L3MBTL3: variants seen among roughly 807,000 people sequenced by gnomAD.
L3MBTL3 encodes L3MBTL histone methyl-lysine binding protein 3.
Under a neutral mutation model 102.3 loss-of-function variants are expected in L3MBTL3, and 27 were observed. The observed-to-expected ratio is 0.26, with a 90% CI of 0.19 to 0.36. The LOEUF (loss-of-function observed/expected upper bound fraction) is 0.36. Among genes scored for constraint, L3MBTL3 ranks in the 10% least tolerant of loss-of-function variants. L3MBTL3 has a pLI of 1.00. For synonymous variants in L3MBTL3, 340 were observed against 320.9 expected (o/e 1.06, Z -0.64); for missense variants, 798 against 955.3 (o/e 0.84, Z 2.17).
At chr6:130,044,400 TAAA>T (rs1233481603) in intron 3 of L3MBTL3, among the ~76,000 whole-genome samples, 2 of 152,074 alleles carry the variant, frequency 1.3e-5, no homozygotes, top group Non-Finnish European at 2.9e-5. Flanking sequence ...TGGCTTTTTT[TAAA>T]AAAAACTGTC....
At chr6:130,019,122 C>G (rs1778751165) in intron 1 of L3MBTL3, among the ~76,000 whole-genome samples, 1 of 151,866 alleles carries the variant, frequency 6.6e-6, no homozygotes, top group Non-Finnish European at 1.5e-5. Context: ...GGCTGGCGCG[C>G]AGGCGGCGGG....
chr6:130,136,345 C>T (rs765235622), intron 22 of L3MBTL3, among the ~76,000 whole-genome samples: 1 of 152,162 alleles, frequency 6.6e-6, no homozygotes, highest in South Asian at 2.1e-4. Flanking sequence ...ACCTCTCTTG[C>T]CCCCTGGCTT....
At chr6:130,058,643 C>A (rs1781685930) in intron 9 of L3MBTL3, among the ~76,000 whole-genome samples, 1 of 152,014 alleles carries the variant, frequency 6.6e-6, no homozygotes, top group Non-Finnish European at 1.5e-5. Flanking sequence ...GGTAAAGGGC[C>A]AGATAGTAAA....
At chr6:130,120,233 T>A (rs968738689) in intron 19 of L3MBTL3, among the ~76,000 whole-genome samples, 18 of 152,132 alleles carry the variant, frequency 1.2e-4, no homozygotes, top group African/African-American at 1.9e-4. Context: ...TTCCTTTTTT[T>A]AAAAAAACAA....
chr6:130,045,481 T>C (rs1395963788), intron 3 of L3MBTL3, among the ~76,000 whole-genome samples: 3 of 152,168 alleles, frequency 2.0e-5, no homozygotes, highest in Non-Finnish European at 4.4e-5. Context: ...TTACCCTTTT[T>C]AAGATAGTTT....
At chr6:130,059,319 T>C (rs1781741107) in intron 9 of L3MBTL3, among the ~76,000 whole-genome samples, 1 of 152,250 alleles carries the variant, frequency 6.6e-6, no homozygotes, top group African/African-American at 2.4e-5. Flanking sequence ...ACATATGTTG[T>C]GTACTTTTTG....
At chr6:130,136,384 C>T (rs750657466) in intron 22 of L3MBTL3, among the ~76,000 whole-genome samples, 3 of 152,136 alleles carry the variant, frequency 2.0e-5, no homozygotes, top group African/African-American at 7.2e-5. Flanking sequence ...CACGAGTCTA[C>T]GTGCTGGCCT....
intron 2 of L3MBTL3, among the ~76,000 whole-genome samples, chr6:130,035,816 G>A (rs1473611665): frequency 3.3e-5 from 5 of 152,184 alleles, no homozygotes; most frequent in Non-Finnish European, 5.9e-5. Flanking sequence ...GGAGGAAAAA[G>A]CCGAATCTTG....
chr6:130,049,638 A>G (rs1259373923), intron 4 of L3MBTL3, 118 bp from the exon 5 acceptor site: 1 of 1,141,668 alleles, frequency 8.8e-7, no homozygotes. Flanking sequence ...AATTAAGTAA[A>G]TCCATGTTGT....
chr6:130,109,610 T>A (rs893479849), intron 19 of L3MBTL3, among the ~76,000 whole-genome samples: 1 of 152,194 alleles, frequency 6.6e-6, no homozygotes, highest in African/African-American at 2.4e-5. Flanking sequence ...ATCTTAGACC[T>A]TTGTCAGATG....
intron 7 of L3MBTL3, among the ~76,000 whole-genome samples, chr6:130,054,041 G>T (rs1010992187): frequency 1.3e-5 from 2 of 152,170 alleles, no homozygotes; most frequent in Admixed American, 1.3e-4. Context: ...ACTACTTTAG[G>T]TTGGGTTGTC....
intron 9 of L3MBTL3, among the ~76,000 whole-genome samples, chr6:130,058,893 T>G (rs1031412482): frequency 6.6e-6 from 1 of 152,182 alleles, no homozygotes; most frequent in East Asian, 1.9e-4. Context: ...TAGATATATT[T>G]TTATGTAGGT....
At chr6:130,096,818 C>G (rs535079246) in intron 18 of L3MBTL3, among the ~76,000 whole-genome samples, 67 of 152,278 alleles carry the variant, frequency 4.4e-4, no homozygotes, top group African/African-American at 1.6e-3. Context: ...GGTAAGGAAC[C>G]CTTTCCAGTG....
At chr6:130,069,515 A>G (rs1782487565) in intron 12 of L3MBTL3, among the ~76,000 whole-genome samples, 1 of 152,198 alleles carries the variant, frequency 6.6e-6, no homozygotes, top group Non-Finnish European at 1.5e-5. Context: ...TAGGTTAGTA[A>G]TAGTGTTAAT....
intron 19 of L3MBTL3, among the ~76,000 whole-genome samples, chr6:130,106,829 C>T (rs1488146293): frequency 6.6e-6 from 1 of 152,190 alleles, no homozygotes; most frequent in Non-Finnish European, 1.5e-5. Context: ...AGGCTGGAAA[C>T]ATATCTTTAA....
chr6:130,053,902 G>A (rs1418762277), intron 7 of L3MBTL3, among the ~76,000 whole-genome samples: 1 of 152,192 alleles, frequency 6.6e-6, no homozygotes, highest in African/African-American at 2.4e-5. Context: ...ATGACATAGA[G>A]TCTCTCCTGG....
intron 19 of L3MBTL3, among the ~76,000 whole-genome samples, chr6:130,118,702 G>A (rs531924684): frequency 1.3e-4 from 20 of 152,090 alleles, no homozygotes; most frequent in Non-Finnish European, 2.5e-4. Flanking sequence ...GGTTTGTATG[G>A]GTCCAATTTA....
rs184122977 is a variant in L3MBTL3, at chr6:130,078,178, G to A, written c.1245-380G>A. Among the ~76,000 whole-genome samples the A allele has an allele frequency of 8.9e-4, 136 of 152,222 alleles. 1 individual carries two copies. The highest frequency in any genetic ancestry group is 1.5e-4 in the Non-Finnish European group (10 of 68,014). On this transcript the variant is annotated intron_variant, in intron 13 of 22. Transcript: ENST00000361794. ...CTGCCTTTGTACATTTGCCCTTAGC[G>A]ATACTGAAATAATTTTAGTTTTCCT...
At position 130,022,291 on chromosome 6, in the gene L3MBTL3, C is replaced by G. The variant is rs1198904934; in HGVS notation, c.-30C>G. On this transcript the variant is annotated 5_prime_UTR_variant, in exon 2 of 23. Transcript: ENST00000361794. ...AAGATCGCCAGAGAGTTCTGTGTTTCATCACCGCCGAAAGGTAAGACCCAC... is the reference window on the plus strand; with the variant it reads ...AAGATCGCCAGAGAGTTCTGTGTTTGATCACCGCCGAAAGGTAAGACCCAC... The G allele has an allele frequency of 6.6e-6, 1 of 152,196 alleles. No individual in the cohort carries two copies. The highest frequency in any genetic ancestry group is 1.5e-5 in the Non-Finnish European group (1 of 68,036). The allele number at this position is 152,196 out of a possible 1,614,324, so 9.4% of individuals were successfully genotyped here.
Sources: gnomAD v4.1 joint callset for allele counts (sites outside exome capture counted in the v4.1 genomes callset) on GRCh38, gnomAD v4.1.1 for gene constraint, MANE v1.5 for transcripts, NCBI Gene and HGNC (gene_info 2026-07-23, HGNC 2026-07-21) for gene names.